Variants in NEMF observed in about 807,000 individuals in gnomAD.
The protein encoded by NEMF is ribosome quality control complex subunit NEMF.
A neutral mutation model predicts 162.2 loss-of-function variants in NEMF; 89 were observed. The ratio of observed to expected loss-of-function variants is 0.55; its 90% CI spans 0.46 to 0.65. NEMF has a LOEUF of 0.65. NEMF is among the 30% of genes least tolerant of loss of function. NEMF has a pLI of 0.00. For missense variants in NEMF, 1,133 were observed against 1,261.9 expected (o/e 0.90, Z 1.55); for synonymous variants, 421 against 404.5 (o/e 1.04, Z -0.49).
Position 49,782,529 on chromosome 14 carries a change from A to G in NEMF, c.*2107T>C, listed in dbSNP as rs771520873. ...ATTTGCTTTTAAATGTGTTCTTCCT[A>G]TTTATTTTTCAGGCACACAGTAATG... On this transcript the variant is annotated 3_prime_UTR_variant, in exon 33 of 33. Coordinates refer to ENST00000298310, the MANE Select transcript of NEMF (RefSeq NM_004713.6). 4 of 1,605,042 alleles carry G rather than the reference A, an allele frequency of 2.5e-6. No homozygotes were observed. The highest frequency in any genetic ancestry group is 2.6e-6 in the Non-Finnish European group (3 of 1,173,860).
chr14:49,782,972 T>A lies in NEMF; in HGVS notation c.*1664A>T, dbSNP rs762376622. On this transcript the variant is annotated 3_prime_UTR_variant, in exon 33 of 33. Transcript: ENST00000298310. ...ATCTTAAGGCTTCATAAATAATGCCTATGATCACCTTGCATGGACAGCAAT... is the reference window on the plus strand; with the variant it reads ...ATCTTAAGGCTTCATAAATAATGCCAATGATCACCTTGCATGGACAGCAAT... 6.2e-7 allele frequency: 1 copy of A among 1,607,746 alleles called. No homozygotes were observed. Among genetic ancestry groups the A allele is most frequent in the Admixed American group, 1.7e-5 (1 of 58,840 alleles).
intron 18 of NEMF, among the ~76,000 whole-genome samples, chr14:49,809,996 A>T (rs907392769): frequency 6.6e-6 from 1 of 152,100 alleles, no homozygotes; most frequent in Non-Finnish European, 1.5e-5. Context: ...GCATGCATGC[A>T]GCAGGGGGTA....
intron 22 of NEMF, among the ~76,000 whole-genome samples, chr14:49,801,695 G>A (rs1890964208): frequency 6.6e-6 from 1 of 152,074 alleles, no homozygotes; most frequent in Non-Finnish European, 1.5e-5. Flanking sequence ...CCTCAGGTAG[G>A]CAGATGAATT....
intron 16 of NEMF, among the ~76,000 whole-genome samples, chr14:49,821,847 G>A (rs550509463): frequency 3.3e-5 from 5 of 152,066 alleles, no homozygotes; most frequent in Non-Finnish European, 7.4e-5. Flanking sequence ...TGATGACAAT[G>A]GCGGTTTTGT....
intron 1 of NEMF, 26 bp from the exon 2 acceptor site, chr14:49,851,901 C>A: frequency 7.4e-7 from 1 of 1,354,282 alleles, no homozygotes. Flanking sequence ...AAACATGTAA[C>A]ATGTTACACT....
chr14:49,840,189 C>T (rs1023510198), intron 5 of NEMF, among the ~76,000 whole-genome samples: 1 of 152,030 alleles, frequency 6.6e-6, no homozygotes, highest in Non-Finnish European at 1.5e-5. Context: ...CAACCGAGCA[C>T]AGTGGCTCAT....
At position 49,785,453 on chromosome 14, in the gene NEMF, G is replaced by A. The variant is rs535689515; in HGVS notation, c.2929-133C>T. On this transcript the variant is annotated intron_variant, in intron 29 of 32. Coordinates refer to ENST00000298310, the MANE Select transcript of NEMF (RefSeq NM_004713.6). ...TACATACCATCTAAGCTGGAACAGTGGTACTTAAACTCTGCTTCATAGTTC... is the reference window on the plus strand; with the variant it reads ...TACATACCATCTAAGCTGGAACAGTAGTACTTAAACTCTGCTTCATAGTTC... The A allele has an allele frequency of 6.9e-5, 45 of 654,794 alleles. No individual in the cohort carries two copies. The East Asian group carries it at 1.2e-3, about 17-fold the overall frequency. The allele number at this position is 654,794 out of a possible 1,614,324, so 40.6% of individuals were successfully genotyped here. A position where few individuals can be genotyped will look rare whatever the true frequency, so the allele number is the denominator to read the frequency against.
At chr14:49,840,396 A>T (rs1893138650) in intron 5 of NEMF, among the ~76,000 whole-genome samples, 1 of 151,522 alleles carries the variant, frequency 6.6e-6, no homozygotes, top group Non-Finnish European at 1.5e-5. Flanking sequence ...TGGGATGCAG[A>T]GGTTGCAGTG....
chr14:49,838,634 C>G lies in NEMF; in HGVS notation c.507-428G>C, dbSNP rs563387146. Among the ~76,000 whole-genome samples the G allele has an allele frequency of 1.4e-4, 21 of 146,692 alleles. No homozygotes were observed. In the South Asian group the frequency reaches 1.5e-3, roughly 10 times the overall value. ...GCATCTTGCTCTGTCGCCCAGGCTG[C>G]AGTACAGTGGCACGATCTCGGCTCG... On this transcript the variant is annotated intron_variant, in intron 5 of 32. Transcript: ENST00000298310.
chr14:49,795,746 C>T (rs1890662158), intron 26 of NEMF, 45 bp downstream of exon 26: 3 of 1,530,806 alleles, frequency 2.0e-6, no homozygotes, highest in East Asian at 2.3e-5. Context: ...TAAAAAGGAA[C>T]CTCACAAATT....
intron 16 of NEMF, among the ~76,000 whole-genome samples, chr14:49,816,156 G>A (rs1891708555): frequency 6.6e-6 from 1 of 152,032 alleles, no homozygotes; most frequent in Non-Finnish European, 1.5e-5. Context: ...GGGAAGTCAG[G>A]GACCCTGAAC....
At chr14:49,806,537 G>C (rs1305423969) in intron 18 of NEMF, among the ~76,000 whole-genome samples, 1 of 151,246 alleles carries the variant, frequency 6.6e-6, no homozygotes, top group Non-Finnish European at 1.5e-5. Flanking sequence ...TGGAACTACA[G>C]GCATGAGCCA....
intron 16 of NEMF, among the ~76,000 whole-genome samples, chr14:49,815,821 G>C (rs1230404494): frequency 6.6e-6 from 1 of 151,984 alleles, no homozygotes; most frequent in Non-Finnish European, 1.5e-5. Context: ...AAAATTAGCC[G>C]GGTGTGGTGA....
In NEMF at chr14:49,786,713, C is replaced by A; in HGVS notation, c.2928+5G>T. 1 of 1,612,340 alleles carries A rather than the reference C, an allele frequency of 6.2e-7. No individual in the cohort carries two copies. The highest frequency in any genetic ancestry group is 8.5e-7 in the Non-Finnish European group (1 of 1,178,518). On this transcript the variant is annotated splice_donor_5th_base_variant and intron_variant, in intron 29 of 32. Transcript: ENST00000298310. ...TGTAGTAGGAACCCCAACATAAAAT[C>A]ATACCTCATTTCCCTGTTGATCCAG...
chr14:49,849,957 T>C (rs1893690663), intron 3 of NEMF, among the ~76,000 whole-genome samples: 1 of 152,164 alleles, frequency 6.6e-6, no homozygotes, highest in South Asian at 2.1e-4. Flanking sequence ...AAACAGACTC[T>C]AAATTGCTGG....
At chr14:49,847,655 T>C (rs1566714311) in intron 3 of NEMF, among the ~76,000 whole-genome samples, 1 of 152,018 alleles carries the variant, frequency 6.6e-6, no homozygotes, top group Non-Finnish European at 1.5e-5. Flanking sequence ...TTATGGCTTA[T>C]GGTATCCTGT....
intron 18 of NEMF, among the ~76,000 whole-genome samples, chr14:49,806,749 T>C (rs542389623): frequency 6.6e-6 from 1 of 152,178 alleles, no homozygotes; most frequent in African/African-American, 2.4e-5. Context: ...CCAGAAAAGA[T>C]AATTTAGAGA....
At chr14:49,807,592 A>ATTTTT (rs371689750) in intron 18 of NEMF, among the ~76,000 whole-genome samples, 9 of 125,366 alleles carry the variant, frequency 7.2e-5, no homozygotes, top group Non-Finnish European at 1.2e-4. Context: ...GTATCTTGTG[A>ATTTTT]TTTTTTTTTT....
intron 3 of NEMF, among the ~76,000 whole-genome samples, chr14:49,848,376 C>G (rs1893612756): frequency 6.6e-6 from 1 of 151,964 alleles, no homozygotes; most frequent in Non-Finnish European, 1.5e-5. Context: ...TTGGCAATAC[C>G]TACTCTTTTA....
Sources: gnomAD v4.1 joint callset for allele counts (sites outside exome capture counted in the v4.1 genomes callset) on GRCh38, gnomAD v4.1.1 for gene constraint, MANE v1.5 for transcripts, NCBI Gene and HGNC (gene_info 2026-07-23, HGNC 2026-07-21) for gene names.